ZPBP: variants seen among roughly 807,000 people sequenced by gnomAD.
ZPBP encodes zona pellucida binding protein, also known as zona pellucida-binding protein 1.
A neutral mutation model predicts 44.8 loss-of-function variants in ZPBP; 26 were observed. The ratio of observed to expected loss-of-function variants is 0.58; its 90% CI spans 0.43 to 0.81. The LOEUF is 0.81. ZPBP is among the 30% of genes least tolerant of loss of function. The pLI is 0.00. For synonymous variants in ZPBP, 174 were observed against 153.2 expected (o/e 1.14, Z -1.00); for missense variants, 409 against 434.0 (o/e 0.94, Z 0.51).
At chr7:49,878,522 G>A (rs1395891698) in intron 2 of ZPBP, among the ~76,000 whole-genome samples, 1 of 152,082 alleles carries the variant, frequency 6.6e-6, no homozygotes, top group Non-Finnish European at 1.5e-5. Flanking sequence ...AAACTCTGAA[G>A]GTATTTTTTC....
chr7:50,030,567 G>A (rs910964086), intron 5 of ZPBP, among the ~76,000 whole-genome samples: 58 of 151,836 alleles, frequency 3.8e-4, no homozygotes, highest in Non-Finnish European at 8.8e-5. Context: ...GAAAGGGGAA[G>A]GGTGCCCTAC....
chr7:50,053,451 C>A (rs1045599815), intron 4 of ZPBP, among the ~76,000 whole-genome samples: 3 of 152,198 alleles, frequency 2.0e-5, no homozygotes, highest in South Asian at 4.1e-4. Context: ...CAGAACAGTT[C>A]TAATGCTCAA....
chr7:49,912,265 C>T, intron 1 of ZPBP: 3 of 1,439,338 alleles, frequency 2.1e-6, no homozygotes, highest in Non-Finnish European at 2.8e-6. Context: ...TGGGAACTAT[C>T]AGTCAAAGAA....
chr7:50,049,261 C>A (rs1303640530), intron 4 of ZPBP, among the ~76,000 whole-genome samples: 1 of 151,900 alleles, frequency 6.6e-6, no homozygotes, highest in East Asian at 1.9e-4. Flanking sequence ...AGCAACAATT[C>A]TTCACAAACA....
At chr7:49,887,645 C>T (rs1791959161) in intron 2 of ZPBP, among the ~76,000 whole-genome samples, 1 of 148,184 alleles carries the variant, frequency 6.7e-6, no homozygotes, top group African/African-American at 2.7e-5. Flanking sequence ...CAACTTATGG[C>T]AGTAAAATAA....
intron 7 of ZPBP, among the ~76,000 whole-genome samples, chr7:49,981,630 T>TATAA (rs1350451565): frequency 0.046 from 1,980 of 43,204 alleles, 313 homozygotes; most frequent in African/African-American, 0.058. Flanking sequence ...TATTATATTA[T>TATAA]ATTATATATT....
intron 2 of ZPBP, among the ~76,000 whole-genome samples, chr7:50,085,381 A>T (rs917004282): frequency 6.6e-6 from 1 of 152,104 alleles, no homozygotes; most frequent in African/African-American, 2.4e-5. Context: ...ATCCCTAAGG[A>T]ACTAATTAAA....
intron 4 of ZPBP, chr7:50,056,449 T>C (rs946882020): frequency 6.6e-6 from 1 of 152,196 alleles, no homozygotes; most frequent in African/African-American, 2.4e-5. Context: ...TGGACCCACC[T>C]AGATAATTCA....
chr7:50,029,292 G>T (rs1263330894), intron 5 of ZPBP, among the ~76,000 whole-genome samples: 1 of 152,152 alleles, frequency 6.6e-6, no homozygotes, highest in African/African-American at 2.4e-5. Flanking sequence ...TGCAAAATAT[G>T]AAGTATAAGG....
intron 6 of ZPBP, among the ~76,000 whole-genome samples, chr7:49,988,648 G>T (rs912678122): frequency 3.3e-5 from 5 of 152,060 alleles, no homozygotes; most frequent in Non-Finnish European, 5.9e-5. Flanking sequence ...ACAGATAATT[G>T]TTGTCTTATT....
At chr7:50,018,807 G>GA (rs1798943706) in intron 5 of ZPBP, among the ~76,000 whole-genome samples, 1 of 151,902 alleles carries the variant, frequency 6.6e-6, no homozygotes, top group Non-Finnish European at 1.5e-5. Flanking sequence ...CTAAAATGAT[G>GA]AATATTTACA....
At chr7:50,091,175 TC>T (rs1264854606) in intron 1 of ZPBP, among the ~76,000 whole-genome samples, 1 of 152,116 alleles carries the variant, frequency 6.6e-6, no homozygotes, top group African/African-American at 2.4e-5. Context: ...GGGTTTTTTT[TC>T]ATGCTAATTT....
At chr7:50,070,487 C>T (rs747205480) in intron 3 of ZPBP, among the ~76,000 whole-genome samples, 24 of 152,322 alleles carry the variant, frequency 1.6e-4, no homozygotes, top group African/African-American at 5.5e-4. Flanking sequence ...TCCCGTGGTG[C>T]GCCTTGGATG....
chr7:49,875,509 G>C (rs1791381698), intron 2 of ZPBP, among the ~76,000 whole-genome samples: 1 of 151,894 alleles, frequency 6.6e-6, no homozygotes, highest in African/African-American at 2.4e-5. Context: ...GGAAGCTGGA[G>C]GAGAGCCAGT....
intron 1 of ZPBP, among the ~76,000 whole-genome samples, chr7:49,911,255 G>A (rs1157433791): frequency 6.6e-5 from 10 of 152,048 alleles, no homozygotes; most frequent in South Asian, 2.1e-4. Context: ...AGGCCAAGGC[G>A]GGCAGATCAC....
At chr7:50,037,667 C>T (rs1169732388) in intron 4 of ZPBP, among the ~76,000 whole-genome samples, 1 of 152,122 alleles carries the variant, frequency 6.6e-6, no homozygotes, top group Non-Finnish European at 1.5e-5. Context: ...AGGTCCTTCC[C>T]CCAAAATTGG....
intron 7 of ZPBP, among the ~76,000 whole-genome samples, chr7:49,949,498 A>G (rs1356150191): frequency 6.6e-6 from 1 of 152,180 alleles, no homozygotes; most frequent in Admixed American, 6.6e-5. Flanking sequence ...AATCTTAAAA[A>G]TATTGTGCTA....
At chr7:49,868,013 T>C (rs1790986642) in intron 2 of ZPBP, among the ~76,000 whole-genome samples, 1 of 152,058 alleles carries the variant, frequency 6.6e-6, no homozygotes, top group South Asian at 2.1e-4. Flanking sequence ...TTTGTATTTT[T>C]AGTAGAGATG....
chr7:49,936,787 A>T (rs1267718570), downstream of ZPBP, among the ~76,000 whole-genome samples: 2 of 152,224 alleles, frequency 1.3e-5, no homozygotes, highest in Non-Finnish European at 2.9e-5. Context: ...ATTCATTTTC[A>T]TAGTGGAAGA....
Sources: allele counts gnomAD v4.1 joint callset (sites outside exome capture counted in the v4.1 genomes callset), GRCh38; gene constraint gnomAD v4.1.1; transcripts MANE v1.5; gene names NCBI Gene and HGNC (gene_info 2026-07-23, HGNC 2026-07-21).